The following ITIH2 variants were observed in gnomAD, a reference collection of about 807,000 sequenced individuals.
The protein encoded by ITIH2 is inter-alpha-trypsin inhibitor heavy chain H2.
A neutral mutation model predicts 104.4 loss-of-function variants in ITIH2; 103 were observed. That is an observed-to-expected ratio of 0.99 (90% CI 0.84 to 1.16). The LOEUF is 1.16. Ranked by LOEUF, ITIH2 falls within the 50% of genes most tolerant of loss-of-function variation. ITIH2 has a pLI of 0.00. For synonymous variants in ITIH2, 436 were observed against 435.4 expected (o/e 1.00, Z -0.02); for missense variants, 1,108 against 1,162.4 (o/e 0.95, Z 0.68).
intron 6 of ITIH2, 113 bp from the exon 7 acceptor site, chr10:7,720,743 G>A (rs928625586): frequency 1.4e-5 from 9 of 648,228 alleles, no homozygotes; most frequent in African/African-American, 3.6e-5. Context: ...AGTCGTGCCC[G>A]GGAAACCTGC....
At chr10:7,739,206 G>A (rs1015536059) in intron 16 of ITIH2, among the ~76,000 whole-genome samples, 5 of 152,182 alleles carry the variant, frequency 3.3e-5, no homozygotes, top group Non-Finnish European at 4.4e-5. Context: ...GAGGGAGAGC[G>A]TCTCCTCTCC....
intron 10 of ITIH2, 67 bp downstream of exon 10, chr10:7,727,185 A>T (rs1273009702): frequency 7.5e-7 from 1 of 1,341,402 alleles, no homozygotes; most frequent in Non-Finnish European, 1.0e-6. Context: ...TCACTTAAGA[A>T]GCATTATTCC....
At chr10:7,738,866 A>T in intron 16 of ITIH2, 108 bp downstream of exon 16, 1 of 1,141,250 alleles carries the variant, frequency 8.8e-7, no homozygotes, top group Non-Finnish European at 1.2e-6. Flanking sequence ...TAATCGCAGC[A>T]CTTTGGGAGG....
intron 2 of ITIH2, among the ~76,000 whole-genome samples, chr10:7,705,852 A>G (rs534634783): frequency 2.2e-4 from 33 of 152,178 alleles, no homozygotes; most frequent in Admixed American, 5.9e-4. Context: ...CAGCCTCACA[A>G]TCTCCTTCCT....
chr10:7,727,966 T>A, intron 11 of ITIH2, 138 bp downstream of exon 11: 1 of 1,006,548 alleles, frequency 9.9e-7, no homozygotes, highest in Non-Finnish European at 1.5e-6. Context: ...CTAAAGGAGG[T>A]CTTCTGATCC....
intron 4 of ITIH2, among the ~76,000 whole-genome samples, chr10:7,710,150 C>A (rs1184480493): frequency 6.6e-6 from 1 of 152,190 alleles, no homozygotes; most frequent in Non-Finnish European, 1.5e-5. Flanking sequence ...CCGTGCCTGG[C>A]CTTGAACTTG....
Position 7,721,416 on chromosome 10 carries a change from T to G in ITIH2, c.739-233T>G, listed in dbSNP as rs536641468. Among the ~76,000 whole-genome samples, 3 of 152,278 alleles carry G rather than the reference T, an allele frequency of 2.0e-5. No homozygotes were observed. The South Asian group carries it at 6.2e-4, about 32-fold the overall frequency. ...GCCCTTCTACAGGGGATGAAGGAAA[T>G]TCTTCGGCTTTCTTCTAAAAAGGTC... On this transcript the variant is annotated intron_variant, in intron 7 of 20. Transcript: ENST00000358415.
chr10:7,734,869 G>A (rs373404147), intron 14 of ITIH2, 53 bp from the exon 15 acceptor site: 19 of 1,509,136 alleles, frequency 1.3e-5, no homozygotes, highest in Middle Eastern at 1.7e-4. Flanking sequence ...GCTGACTTGC[G>A]CTCCCCCTCC....
chr10:7,727,305 A>T (rs1834959785), intron 10 of ITIH2, among the ~76,000 whole-genome samples, 187 bp downstream of exon 10: 1 of 152,248 alleles, frequency 6.6e-6, no homozygotes, highest in Non-Finnish European at 1.5e-5. Context: ...AATACAGCCC[A>T]CATAAGCTTT....
At chr10:7,737,153 T>A (rs975329229) in intron 15 of ITIH2, among the ~76,000 whole-genome samples, 1 of 151,368 alleles carries the variant, frequency 6.6e-6, no homozygotes, top group Non-Finnish European at 1.5e-5. Context: ...AGAACTGGCC[T>A]TCTGCTTGTA....
intron 19 of ITIH2, 34 bp downstream of exon 19, chr10:7,744,997 G>A (rs781660574): frequency 1.9e-6 from 3 of 1,587,580 alleles, no homozygotes; most frequent in Admixed American, 1.7e-5. Flanking sequence ...ACAAGGGTGG[G>A]GCCGCTCTAA....
chr10:7,738,875 G>T, intron 16 of ITIH2, 117 bp downstream of exon 16: 1 of 933,096 alleles, frequency 1.1e-6, no homozygotes, highest in Admixed American at 2.9e-5. Context: ...CACTTTGGGA[G>T]GCCAAGGCAG....
chr10:7,707,303 G>A, intron 3 of ITIH2, 70 bp downstream of exon 3: 2 of 1,161,940 alleles, frequency 1.7e-6, no homozygotes, highest in Non-Finnish European at 2.6e-6. Flanking sequence ...ATCAATCTGG[G>A]TGTCTCTTTT....
rs529741748 is a variant in ITIH2, at chr10:7,720,939, G to A, written c.714G>A (p.Pro238=). Residue 238 remains proline (P), a synonymous_variant, in exon 7 of 21, where the codon CCG becomes CCA. Coordinates refer to ENST00000358415, the MANE Select transcript of ITIH2 (RefSeq NM_002216.3). Reference sequence around the variant, plus strand: ...TTGAAGGCCATTTCGATGGTGTTCCGGTCATTTCTAAAGGACAACAGAAGG... The same window carrying A: ...TTGAAGGCCATTTCGATGGTGTTCCAGTCATTTCTAAAGGACAACAGAAGG... ...DTFEGHFDGV[P]VISKGQQKAH... is the part of the protein sequence containing the mutation. 34 of 1,612,322 alleles carry A rather than the reference G, an allele frequency of 2.1e-5. No homozygotes were observed. Among genetic ancestry groups the A allele is most frequent in the East Asian group, 2.0e-4 (9 of 44,862 alleles).
chr10:7,719,780 A>AAAG (rs1554765634), intron 6 of ITIH2, among the ~76,000 whole-genome samples: 1 of 141,168 alleles, frequency 7.1e-6, no homozygotes, highest in African/African-American at 2.7e-5. Flanking sequence ...AAAAAAAAAA[A>AAAG]AAAGAAAGAA....
chr10:7,704,420 T>C (rs532635278), intron 1 of ITIH2, among the ~76,000 whole-genome samples: 2 of 152,302 alleles, frequency 1.3e-5, no homozygotes, highest in Admixed American at 1.3e-4. Flanking sequence ...TTTCAGTCAT[T>C]TCTAACTGGC....
rs752830690 is a variant in ITIH2, at chr10:7,713,305, G to A, written c.467+20G>A. 9 of 1,582,574 alleles carry A rather than the reference G, an allele frequency of 5.7e-6. No homozygotes were observed. In the South Asian group the frequency reaches 8.9e-5, roughly 16 times the overall value. The stretch of plus-strand genomic sequence containing the variant: ...GGTGAGGTAAGGCCTGAGTGAGCAA[G>A]GCTTGCCCTTGCCTCTCAATGACGG... On this transcript the variant is annotated intron_variant, in intron 5 of 20. Coordinates refer to ENST00000358415, the MANE Select transcript of ITIH2 (RefSeq NM_002216.3).
At chr10:7,747,503 G>T (rs10737025) in intron 20 of ITIH2, among the ~76,000 whole-genome samples, 9 of 151,992 alleles carry the variant, frequency 5.9e-5, no homozygotes, top group African/African-American at 2.2e-4. Context: ...GGAGGAATGA[G>T]GTACCGACGG....
In ITIH2 at chr10:7,723,512, A is replaced by C; in HGVS notation, c.929A>C (p.Asn310Thr). ...GACAACCTGGACCCAATTCCCAAAA[A>C]CATCCTCTTTGTCATCGATGTGAGT... ...APDNLDPIPK[N>T]ILFVIDVSGS... is the part of the protein sequence containing the mutation. Residue 310 changes from asparagine to threonine, a missense_variant, in exon 9 of 21, where the codon AAC (asparagine) becomes ACC (threonine). Coordinates refer to ENST00000358415, the MANE Select transcript of ITIH2 (RefSeq NM_002216.3). 1 of 1,614,054 alleles carries C rather than the reference A, an allele frequency of 6.2e-7. No individual in the cohort carries two copies. Among genetic ancestry groups the C allele is most frequent in the Non-Finnish European group, 8.5e-7 (1 of 1,179,966 alleles).
Sources: allele counts gnomAD v4.1 joint callset (sites outside exome capture counted in the v4.1 genomes callset), GRCh38; gene constraint gnomAD v4.1.1; transcripts MANE v1.5; gene names NCBI Gene and HGNC (gene_info 2026-07-23, HGNC 2026-07-21).